Variants in CDK5RAP2 observed in about 807,000 individuals in gnomAD.
CDK5RAP2 encodes the protein CDK5 regulatory subunit-associated protein 2.
CDK5RAP2 carries 147 observed loss-of-function variants against 232.9 expected under a neutral mutation model. The ratio of observed to expected loss-of-function variants is 0.63; its 90% CI spans 0.55 to 0.72. The LOEUF is 0.72. CDK5RAP2 is among the 30% of genes least tolerant of loss of function. CDK5RAP2 has a pLI of 0.00. For missense variants in CDK5RAP2, 2,195 were observed against 2,231.5 expected, an observed-to-expected ratio of 0.98 and a Z score of 0.33; for synonymous variants, 833 against 833.7, an observed-to-expected ratio of 1.00 and a Z score of 0.01.
intron 30 of CDK5RAP2, 62 bp downstream of exon 30, chr9:120,409,065 T>C: frequency 1.3e-6 from 2 of 1,526,892 alleles, no homozygotes; most frequent in Non-Finnish European, 1.8e-6. Context: ...ATTCCACGAC[T>C]GCAGCCCAGT....
intron 27 of CDK5RAP2, among the ~76,000 whole-genome samples, chr9:120,417,461 A>C (rs1028894449): frequency 1.3e-5 from 2 of 152,246 alleles, no homozygotes; most frequent in African/African-American, 4.8e-5. Context: ...GGTAGGAGTC[A>C]GTCAGGAACT....
intron 14 of CDK5RAP2, among the ~76,000 whole-genome samples, chr9:120,480,269 A>C (rs2038229934): frequency 6.6e-6 from 1 of 152,224 alleles, no homozygotes; most frequent in Non-Finnish European, 1.5e-5. Flanking sequence ...CAACTTGATT[A>C]AAATTTACAG....
chr9:120,450,759 T>C (rs2036440558), intron 21 of CDK5RAP2, among the ~76,000 whole-genome samples: 1 of 152,234 alleles, frequency 6.6e-6, no homozygotes, highest in Admixed American at 6.5e-5. Flanking sequence ...ATTATCATTC[T>C]TACTTTCCAG....
At chr9:120,443,971 C>T (rs1474673903) in intron 22 of CDK5RAP2, among the ~76,000 whole-genome samples, 1 of 152,116 alleles carries the variant, frequency 6.6e-6, no homozygotes, top group Non-Finnish European at 1.5e-5. Context: ...TCTCAAAAAG[C>T]TGAGTGAGAA....
In CDK5RAP2 at chr9:120,552,804, T is replaced by C. The variant is rs541475273; in HGVS notation, c.196-1902A>G. 3.3e-5 allele frequency among the ~76,000 whole-genome samples: 5 copies of C among 151,486 alleles called. No homozygotes were observed. In the East Asian group the frequency reaches 9.7e-4, roughly 29 times the overall value. On this transcript the variant is annotated intron_variant, in intron 3 of 37. Coordinates refer to ENST00000349780, the MANE Select transcript of CDK5RAP2 (RefSeq NM_018249.6). ...CACATGTATACGTATGTAACGAACC[T>C]GCACATTGTGCACATGTACCCTAAA...
chr9:120,563,108 G>A (rs2042520069), intron 3 of CDK5RAP2, among the ~76,000 whole-genome samples: 2 of 152,142 alleles, frequency 1.3e-5, no homozygotes, highest in South Asian at 4.1e-4. Flanking sequence ...ATCATGAGTT[G>A]AGAAGGGAGT....
At chr9:120,447,865 C>T in intron 22 of CDK5RAP2, 30 bp downstream of exon 22, 2 of 1,506,476 alleles carry the variant, frequency 1.3e-6, no homozygotes, top group Non-Finnish European at 1.8e-6. Flanking sequence ...TTGTCTAGCT[C>T]ACAGGGAATA....
At chr9:120,527,964 T>C (rs774733658) in intron 9 of CDK5RAP2, 39 bp from the exon 10 acceptor site, 2 of 1,611,814 alleles carry the variant, frequency 1.2e-6, no homozygotes, top group East Asian at 2.2e-5. Flanking sequence ...AGTTGATGCG[T>C]TCCAACCAAA....
intron 15 of CDK5RAP2, 72 bp from the exon 16 acceptor site, chr9:120,471,950 C>T: frequency 1.0e-5 from 16 of 1,593,526 alleles, no homozygotes; most frequent in Non-Finnish European, 1.4e-5. Flanking sequence ...CCCAGAAAGC[C>T]TTCCTGTGAT....
chr9:120,512,166 T>C (rs761544314), intron 12 of CDK5RAP2, among the ~76,000 whole-genome samples: 2 of 152,154 alleles, frequency 1.3e-5, no homozygotes, highest in South Asian at 4.1e-4. Flanking sequence ...CTGGGCAACA[T>C]AGCAAAACCC....
In CDK5RAP2 at chr9:120,437,545, A is replaced by G. The variant is rs1265097730; in HGVS notation, c.3723-18T>C. The G allele has an allele frequency of 6.4e-7, 1 of 1,565,406 alleles. No homozygotes were observed. Among genetic ancestry groups the G allele is most frequent in the Non-Finnish European group, 8.8e-7 (1 of 1,135,674 alleles). On this transcript the variant is annotated intron_variant, in intron 24 of 37. Transcript: ENST00000349780. The stretch of plus-strand genomic sequence containing the variant: ...AATCGTATCTGATAAAAGAGGGGAA[A>G]GAAAATACTTGGACCATTTTAGAAT...
Position 120,389,272 on chromosome 9 carries a change from A to G in CDK5RAP2, c.5646T>C (p.His1882=). 1 of 1,613,000 alleles carries G rather than the reference A, an allele frequency of 6.2e-7. No homozygotes were observed. The highest frequency in any genetic ancestry group is 8.5e-7 in the Non-Finnish European group (1 of 1,179,472). The change falls in exon 38 of 38, where the codon CAT becomes CAC. Residue 1882 remains histidine (H), a synonymous_variant. Transcript: ENST00000349780. ...GTCTGCTGGGACTGCATGTTCCTGG[A>G]TGGGCTCCCCCAGGCCTAAGCTAGG... is the stretch of plus-strand genomic sequence containing the variant. ...GNLELRPGGA[H]PGTCSPSRPG...
chr9:120,390,535 G>A (rs1184532250), intron 36 of CDK5RAP2, among the ~76,000 whole-genome samples: 2 of 152,174 alleles, frequency 1.3e-5, no homozygotes, highest in Non-Finnish European at 2.9e-5. Context: ...GGCGAGCCCT[G>A]GCTTTCAGGA....
chr9:120,441,579 G>A (rs966640742), intron 23 of CDK5RAP2, among the ~76,000 whole-genome samples: 2 of 152,208 alleles, frequency 1.3e-5, no homozygotes, highest in Admixed American at 6.5e-5. Context: ...AAGCAACAAC[G>A]TGGGTTGGAC....
chr9:120,442,155 T>C (rs1434867565), intron 23 of CDK5RAP2, among the ~76,000 whole-genome samples: 1 of 152,214 alleles, frequency 6.6e-6, no homozygotes, highest in Non-Finnish European at 1.5e-5. Flanking sequence ...ACCCCCATTT[T>C]ACAGAAGAGG....
intron 3 of CDK5RAP2, among the ~76,000 whole-genome samples, chr9:120,564,908 C>A (rs1002304680): frequency 6.6e-6 from 1 of 152,146 alleles, no homozygotes; most frequent in East Asian, 1.9e-4. Context: ...ATGCTGCCTC[C>A]GCAAGGCCTC....
intron 14 of CDK5RAP2, among the ~76,000 whole-genome samples, chr9:120,483,830 A>T (rs1461285807): frequency 1.3e-5 from 2 of 152,218 alleles, no homozygotes; most frequent in African/African-American, 4.8e-5. Context: ...TGCAGACCAC[A>T]TCTAAAGAGA....
At chr9:120,573,930 A>C (rs2132222087) in intron 1 of CDK5RAP2, among the ~76,000 whole-genome samples, 1 of 152,328 alleles carries the variant, frequency 6.6e-6, no homozygotes, top group South Asian at 2.1e-4. Flanking sequence ...ACACCAGGTT[A>C]TTGGCCAAGC....
Position 120,492,549 on chromosome 9 carries a change from T to G in CDK5RAP2, c.1312-1072A>C, listed in dbSNP as rs139267890. ...TCTTAAAAATAAAATAAAAATCCCATAAAACTGAAAAAAGAGCAAGCAAAC... is the reference window on the plus strand; with the variant it reads ...TCTTAAAAATAAAATAAAAATCCCAGAAAACTGAAAAAAGAGCAAGCAAAC... On this transcript the variant is annotated intron_variant, in intron 12 of 37. Coordinates refer to ENST00000349780, the MANE Select transcript of CDK5RAP2 (RefSeq NM_018249.6). Among the ~76,000 whole-genome samples the G allele has an allele frequency of 3.5e-3, 539 of 152,182 alleles. 10 individuals are homozygous for G. The highest frequency in any genetic ancestry group is 0.026 in the Admixed American group (399 of 15,282).
Sources: allele counts gnomAD v4.1 joint callset (sites outside exome capture counted in the v4.1 genomes callset), GRCh38; gene constraint gnomAD v4.1.1; transcripts MANE v1.5; gene names NCBI Gene and HGNC (gene_info 2026-07-23, HGNC 2026-07-21).